TCF7L2: variants seen among roughly 807,000 people sequenced by gnomAD.
The protein encoded by TCF7L2 is transcription factor 7 like 2, also known as transcription factor 7-like 2.
Under a neutral mutation model 77.9 loss-of-function variants are expected in TCF7L2, and 23 were observed. That is an observed-to-expected ratio of 0.30 (90% CI 0.21 to 0.42). The LOEUF (loss-of-function observed/expected upper bound fraction) is 0.42, where lower values mean the gene tolerates loss of function less well. TCF7L2 is among the 10% of genes least tolerant of loss of function. The pLI, the probability that TCF7L2 is intolerant of heterozygous loss-of-function variation, is 1.00. For synonymous variants in TCF7L2, 413 were observed against 340.2 expected (o/e 1.21, Z -2.36); for missense variants, 654 against 793.1 (o/e 0.82, Z 2.11).
intron 5 of TCF7L2, among the ~76,000 whole-genome samples, chr10:113,107,770 A>AAC (rs1555069755): frequency 2.0e-5 from 3 of 151,104 alleles, no homozygotes; most frequent in African/African-American, 7.3e-5. Flanking sequence ...AAAAAAAAAA[A>AAC]AAAAAACAAC....
chr10:112,951,225 C>T lies in TCF7L2; in HGVS notation c.208C>T (p.Pro70Ser), dbSNP rs773516884. ...TGGGAAGGCGGAAAGACGGCCTCCGCCTCGCTCCGAAAGTTTCCGAGACAA... is the reference window on the plus strand; with the variant it reads ...TGGGAAGGCGGAAAGACGGCCTCCGTCTCGCTCCGAAAGTTTCCGAGACAA... The change falls in exon 2 of 14, where the codon CCT (proline) becomes TCT (serine). Residue 70 changes from proline to serine, a missense_variant. Around this residue, in one of 6 missense-constraint regions of TCF7L2, gnomAD observed 132 missense variants for 123.7 expected, o/e 1.07. Transcript: ENST00000627217. The T allele has an allele frequency of 6.3e-7, 1 of 1,583,400 alleles. No homozygotes were observed. The highest frequency in any genetic ancestry group is 1.8e-5 in the Admixed American group (1 of 56,108).
At chr10:113,115,487 ATTTG>A (rs1178613314) in intron 5 of TCF7L2, among the ~76,000 whole-genome samples, 2 of 152,100 alleles carry the variant, frequency 1.3e-5, no homozygotes, top group Non-Finnish European at 2.9e-5. Context: ...CAAACCTCTC[ATTTG>A]TTTGTCATTT....
intron 12 of TCF7L2, 95 bp downstream of exon 12, chr10:113,158,164 A>G: frequency 2.2e-6 from 3 of 1,350,302 alleles, no homozygotes; most frequent in Non-Finnish European, 3.1e-6. Context: ...GAGAAATTCA[A>G]GGCCAGGACA....
chr10:113,016,968 G>C (rs1459393263), intron 4 of TCF7L2, among the ~76,000 whole-genome samples: 2 of 152,136 alleles, frequency 1.3e-5, no homozygotes, highest in African/African-American at 4.8e-5. Context: ...CCAGAGGACT[G>C]ACCACTTCTT....
intron 5 of TCF7L2, among the ~76,000 whole-genome samples, chr10:113,077,419 C>G (rs567126998): frequency 1.8e-4 from 28 of 152,198 alleles, no homozygotes; most frequent in African/African-American, 6.5e-4. Flanking sequence ...AACTATGCAA[C>G]CAATATCGCC....
chr10:113,073,493 C>T (rs2058314725), intron 5 of TCF7L2, among the ~76,000 whole-genome samples: 1 of 130,078 alleles, frequency 7.7e-6, no homozygotes. Context: ...AAGCAAGACC[C>T]GGTCTCTACC....
At chr10:113,055,575 C>T (rs1337484338) in intron 5 of TCF7L2, among the ~76,000 whole-genome samples, 2 of 151,740 alleles carry the variant, frequency 1.3e-5, no homozygotes, top group Non-Finnish European at 2.9e-5. Flanking sequence ...TCATTTTTAC[C>T]TTTTATTTTA....
At chr10:113,019,387 T>C (rs966745385) in intron 4 of TCF7L2, among the ~76,000 whole-genome samples, 1 of 151,870 alleles carries the variant, frequency 6.6e-6, no homozygotes, top group African/African-American at 2.4e-5. Context: ...CACTAATGGT[T>C]GTGGGGGGGT....
intron 5 of TCF7L2, among the ~76,000 whole-genome samples, chr10:113,117,420 TCTCTCTCTC>T (rs2063943575): frequency 5.1e-5 from 2 of 39,342 alleles, no homozygotes; most frequent in African/African-American, 2.3e-4. Context: ...TCTCTCTCTC[TCTCTCTCTC>T]TCTCCCTCTC....
chr10:113,163,121 C>T (rs2073451110), intron 13 of TCF7L2, among the ~76,000 whole-genome samples: 1 of 152,080 alleles, frequency 6.6e-6, no homozygotes, highest in African/African-American at 2.4e-5. Context: ...CCTTAGGAGA[C>T]CCATTGCTCT....
intron 11 of TCF7L2, among the ~76,000 whole-genome samples, chr10:113,155,402 T>A (rs1409489618): frequency 1.3e-5 from 2 of 152,140 alleles, no homozygotes; most frequent in Admixed American, 6.5e-5. Context: ...TTTAAAGGGG[T>A]AGTAGCGTGG....
intron 13 of TCF7L2, chr10:113,161,239 G>A (rs1315868856): frequency 5.7e-6 from 2 of 353,120 alleles, no homozygotes; most frequent in African/African-American, 4.2e-5. Flanking sequence ...GTTTTACAGT[G>A]CTGAAAAAGA....
At chr10:112,951,386 G>A in intron 2 of TCF7L2, 97 bp from the exon 3 acceptor site, 1 of 1,160,982 alleles carries the variant, frequency 8.6e-7, no homozygotes, top group Non-Finnish European at 1.1e-6. Flanking sequence ...GCCCGGTCGG[G>A]GCGCCCGGCC....
chr10:113,013,054 A>AG (rs1391385934), intron 4 of TCF7L2, among the ~76,000 whole-genome samples: 1 of 151,496 alleles, frequency 6.6e-6, no homozygotes, highest in Admixed American at 6.6e-5. Flanking sequence ...GTCACCAAGC[A>AG]GGGCAAATCC....
intron 5 of TCF7L2, among the ~76,000 whole-genome samples, chr10:113,066,532 T>C (rs2057288979): frequency 6.6e-6 from 1 of 152,192 alleles, no homozygotes; most frequent in Non-Finnish European, 1.5e-5. Flanking sequence ...CCTGTGTGCT[T>C]ATATAATTTG....
intron 5 of TCF7L2, among the ~76,000 whole-genome samples, chr10:113,117,408 TC>T (rs1564916310): frequency 1.1e-3 from 49 of 45,186 alleles, no homozygotes; most frequent in Non-Finnish European, 1.7e-3. Context: ...TCTCTCTCTC[TC>T]TCTCTCTCTC....
chr10:113,143,229 C>T (rs764131560), intron 6 of TCF7L2, among the ~76,000 whole-genome samples: 6 of 152,382 alleles, frequency 3.9e-5, no homozygotes, highest in South Asian at 4.1e-4. Context: ...CTGCGACGCA[C>T]GCGGTGCCCA....
intron 7 of TCF7L2, among the ~76,000 whole-genome samples, chr10:113,144,577 T>C (rs1350978744): frequency 1.3e-5 from 2 of 152,176 alleles, no homozygotes; most frequent in African/African-American, 4.8e-5. Context: ...CTCCCAAGGT[T>C]GACAACAACA....
intron 11 of TCF7L2, among the ~76,000 whole-genome samples, chr10:113,154,612 C>T (rs139983089): frequency 3.9e-5 from 6 of 152,046 alleles, no homozygotes; most frequent in African/African-American, 1.4e-4. Flanking sequence ...AAAAGAATAC[C>T]GTGTTTGACT....
Sources: allele counts gnomAD v4.1 joint callset (sites outside exome capture counted in the v4.1 genomes callset), GRCh38; gene constraint gnomAD v4.1.1; regional missense constraint gnomAD v4.1.1; transcripts MANE v1.5; gene names NCBI Gene and HGNC (gene_info 2026-07-23, HGNC 2026-07-21).